Variants in ACSL1 observed in about 807,000 individuals in gnomAD.
The protein encoded by ACSL1 is long-chain-fatty-acid--CoA ligase 1.
ACSL1 carries 41 observed loss-of-function variants against 98.4 expected under a neutral mutation model. That is an observed-to-expected ratio of 0.42 (90% CI 0.32 to 0.54). The LOEUF (loss-of-function observed/expected upper bound fraction) is 0.54, where lower values mean the gene tolerates loss of function less well. Among genes scored for constraint, ACSL1 ranks in the 20% least tolerant of loss-of-function variants. ACSL1 has a pLI of 0.13. For synonymous variants in ACSL1, 316 were observed against 322.7 expected (o/e 0.98, Z 0.22); for missense variants, 734 against 883.1 (o/e 0.83, Z 2.14).
rs1771301695 is a variant in ACSL1 at position 184,805,587 on chromosome 4, A to G, written c.-32-2041T>C. ...CCCCACTGCAGACACAGAAGAGGGC[A>G]ATGAGCCTGGAAGTGGGCGGGGGTT... On this transcript the variant is annotated intron_variant, in intron 1 of 20. Coordinates refer to ENST00000281455, the MANE Select transcript of ACSL1 (RefSeq NM_001995.5). The G allele has an allele frequency of 7.6e-6, 7 of 921,884 alleles. No individual in the cohort carries two copies. In the South Asian group the frequency reaches 3.5e-4, roughly 46 times the overall value. The allele number at this position is 921,884 out of a possible 1,614,324, so 57.1% of individuals were successfully genotyped here.
chr4:184,793,594 C>T (rs1320118621), intron 2 of ACSL1, among the ~76,000 whole-genome samples: 1 of 152,152 alleles, frequency 6.6e-6, no homozygotes, highest in African/African-American at 2.4e-5. Flanking sequence ...CAGTTAAATG[C>T]CCCTTGTGTT....
chr4:184,821,636 A>G (rs1175047772), intron 1 of ACSL1, among the ~76,000 whole-genome samples: 1 of 152,210 alleles, frequency 6.6e-6, no homozygotes, highest in African/African-American at 2.4e-5. Flanking sequence ...AACATTTTTT[A>G]TTTTTTAAAG....
chr4:184,820,964 C>A, intron 1 of ACSL1: 1 of 452,822 alleles, frequency 2.2e-6, no homozygotes, highest in Non-Finnish European at 4.4e-6. Flanking sequence ...GGAGCACAGA[C>A]CCTGAAGCCA....
At chr4:184,775,507 T>C (rs2150327734) in intron 7 of ACSL1, among the ~76,000 whole-genome samples, 1 of 152,186 alleles carries the variant, frequency 6.6e-6, no homozygotes, top group South Asian at 2.1e-4. Flanking sequence ...GGTAAGAAGC[T>C]ATAAAACCCC....
At chr4:184,776,359 G>T in intron 7 of ACSL1, 125 bp downstream of exon 7, 1 of 992,426 alleles carries the variant, frequency 1.0e-6, no homozygotes, top group Non-Finnish European at 1.5e-6. Flanking sequence ...CTCTTTCATG[G>T]GTTGCGGAGG....
At chr4:184,788,433 C>T in intron 3 of ACSL1, 184 bp downstream of exon 3, 1 of 684,582 alleles carries the variant, frequency 1.5e-6, no homozygotes. Context: ...CCCAGGGCCA[C>T]AGGGAACATC....
chr4:184,814,768 C>A (rs529482408), intron 1 of ACSL1, among the ~76,000 whole-genome samples: 1 of 152,158 alleles, frequency 6.6e-6, no homozygotes, highest in Non-Finnish European at 1.5e-5. Flanking sequence ...AACAGAATGA[C>A]AGATAGGATA....
chr4:184,763,016 C>T, intron 16 of ACSL1, 151 bp downstream of exon 16: 1 of 736,778 alleles, frequency 1.4e-6, no homozygotes, highest in Non-Finnish European at 2.2e-6. Flanking sequence ...CATAAATGTA[C>T]CCTCAGAAAG....
intron 1 of ACSL1, chr4:184,812,303 T>TGACCCTCTGTGATTCTGACCGTGTCA (rs1209757474): frequency 1.1e-6 from 1 of 870,388 alleles, no homozygotes; most frequent in African/African-American, 1.8e-5. Flanking sequence ...GAGTCATGAA[T>TGACCCTCTGTGATTCTGACCGTGTCA]GACCCTCTGT....
At chr4:184,763,325 T>C in intron 15 of ACSL1, 70 bp from the exon 16 acceptor site, 2 of 1,417,390 alleles carry the variant, frequency 1.4e-6, no homozygotes, top group Middle Eastern at 1.8e-4. Flanking sequence ...ATTATTTTGA[T>C]AGCAAACAGG....
rs1772155044 is a variant in ACSL1 at position 184,811,937 on chromosome 4, G to C, written c.-32-8391C>G. ...AGAATGAATGGCAAAACACTGAAGA[G>C]ACACTGGGAGGAGGAGACAGGAGGG... On this transcript the variant is annotated intron_variant, in intron 1 of 20. Transcript: ENST00000281455. Among the ~76,000 whole-genome samples, 4 of 152,230 alleles carry C rather than the reference G, an allele frequency of 2.6e-5. No homozygotes were observed. In the South Asian group the frequency reaches 8.3e-4, roughly 32 times the overall value.
intron 2 of ACSL1, among the ~76,000 whole-genome samples, chr4:184,800,383 T>C (rs1374214104): frequency 6.6e-6 from 1 of 152,140 alleles, no homozygotes; most frequent in Non-Finnish European, 1.5e-5. Flanking sequence ...CACGTGTGTC[T>C]GGGCTCCGAC....
chr4:184,796,767 C>T (rs1243464297), intron 2 of ACSL1, among the ~76,000 whole-genome samples: 1 of 152,182 alleles, frequency 6.6e-6, no homozygotes, highest in Admixed American at 6.5e-5. Context: ...GATTTCTGTT[C>T]CAAAGCTTCC....
At chr4:184,819,205 C>T (rs1405181089) in intron 1 of ACSL1, among the ~76,000 whole-genome samples, 1 of 150,314 alleles carries the variant, frequency 6.7e-6, no homozygotes, top group Non-Finnish European at 1.5e-5. Flanking sequence ...TGCAATGGCA[C>T]GATCTTGGCT....
chr4:184,820,729 C>T (rs182474438), intron 1 of ACSL1, among the ~76,000 whole-genome samples: 50 of 152,252 alleles, frequency 3.3e-4, no homozygotes, highest in African/African-American at 1.2e-3. Context: ...CTCAACCTCC[C>T]GAGCAGCTGA....
chr4:184,792,211 T>G (rs982387556), intron 2 of ACSL1, among the ~76,000 whole-genome samples: 11 of 152,116 alleles, frequency 7.2e-5, no homozygotes, highest in Non-Finnish European at 1.6e-4. Context: ...GCAATTAGAA[T>G]AATGAGAAAA....
chr4:184,765,794 A>AACAC (rs35565140), intron 14 of ACSL1, 97 bp downstream of exon 14: 110 of 918,242 alleles, frequency 1.2e-4, no homozygotes, highest in Admixed American at 1.9e-4. Context: ...ATTAAGAAAG[A>AACAC]ACACACACAC....
At chr4:184,761,403 G>A (rs1329930388) in intron 17 of ACSL1, among the ~76,000 whole-genome samples, 1 of 152,186 alleles carries the variant, frequency 6.6e-6, no homozygotes, top group Non-Finnish European at 1.5e-5. Flanking sequence ...ACAAGAATCT[G>A]CCAATACACA....
chr4:184,775,851 G>A (rs1054579950), intron 7 of ACSL1, among the ~76,000 whole-genome samples: 7 of 152,092 alleles, frequency 4.6e-5, no homozygotes, highest in South Asian at 2.1e-4. Context: ...ATCTTCCTCC[G>A]GCCATGTTCC....
Sources: allele counts gnomAD v4.1 joint callset (sites outside exome capture counted in the v4.1 genomes callset), GRCh38; gene constraint gnomAD v4.1.1; transcripts MANE v1.5; gene names NCBI Gene and HGNC (gene_info 2026-07-23, HGNC 2026-07-21).